TOM1L2: variants seen among roughly 807,000 people sequenced by gnomAD.
TOM1L2 encodes the protein TOM1-like protein 2.
TOM1L2 carries 31 observed loss-of-function variants against 67.9 expected under a neutral mutation model. The ratio of observed to expected loss-of-function variants is 0.46; its 90% CI spans 0.34 to 0.62. The LOEUF is 0.62. Among genes scored for constraint, TOM1L2 ranks in the 20% least tolerant of loss-of-function variants. The pLI is 0.01. For synonymous variants in TOM1L2, 256 were observed against 254.0 expected (o/e 1.01, Z -0.07); for missense variants, 606 against 663.5 (o/e 0.91, Z 0.95).
intron 1 of TOM1L2, among the ~76,000 whole-genome samples, chr17:17,925,917 T>C (rs539322279): frequency 6.7e-6 from 1 of 148,920 alleles, no homozygotes; most frequent in African/African-American, 2.5e-5. Flanking sequence ...ATGCCCATAA[T>C]CCCAGCACTT....
chr17:17,952,355 C>G lies in TOM1L2; in HGVS notation c.52+19907G>C, dbSNP rs897261978. On this transcript the variant is annotated intron_variant, in intron 1 of 14. Coordinates refer to ENST00000379504, the MANE Select transcript of TOM1L2 (RefSeq NM_001082968.2). Reference sequence around the variant, plus strand: ...AGAAATTAAGGGCTCACTCTTTATACAGTAAGTGCTTCTTTATTTTCTTTT... The same window carrying G: ...AGAAATTAAGGGCTCACTCTTTATAGAGTAAGTGCTTCTTTATTTTCTTTT... 5.6e-5 allele frequency among the ~76,000 whole-genome samples: 8 copies of G among 142,324 alleles called. No homozygotes were observed. In the Admixed American group the frequency reaches 5.6e-4, roughly 10 times the overall value. 93.4% of individuals were successfully genotyped at this position (142,324 alleles called of 152,430 possible).
intron 1 of TOM1L2, among the ~76,000 whole-genome samples, chr17:17,918,712 G>C (rs936993364): frequency 6.6e-6 from 1 of 152,094 alleles, no homozygotes; most frequent in African/African-American, 2.4e-5. Flanking sequence ...CCCTCTGATG[G>C]GCTCCAGCAC....
chr17:17,866,846 G>A (rs767044612), intron 9 of TOM1L2, 30 bp downstream of exon 9: 1 of 1,607,762 alleles, frequency 6.2e-7, no homozygotes, highest in South Asian at 1.1e-5. Flanking sequence ...CTGGCCTCAG[G>A]AGATGACAGG....
intron 12 of TOM1L2, chr17:17,851,153 G>A (rs111642596): frequency 3.1e-5 from 18 of 588,480 alleles, no homozygotes; most frequent in African/African-American, 2.0e-4. Flanking sequence ...AAGCAATGAG[G>A]TGCAAATGAT....
At chr17:17,928,833 G>C (rs2040206254) in intron 1 of TOM1L2, among the ~76,000 whole-genome samples, 1 of 152,044 alleles carries the variant, frequency 6.6e-6, no homozygotes. Context: ...ACCCACAGTA[G>C]CCATTCAGGA....
At chr17:17,909,560 AAGT>A (rs2039249910) in intron 1 of TOM1L2, among the ~76,000 whole-genome samples, 1 of 148,158 alleles carries the variant, frequency 6.7e-6, no homozygotes, top group African/African-American at 2.5e-5. Flanking sequence ...TAAAGACAGA[AAGT>A]AGAATGGTGG....
At chr17:17,912,135 C>A (rs75561977) in intron 1 of TOM1L2, among the ~76,000 whole-genome samples, 1 of 151,352 alleles carries the variant, frequency 6.6e-6, no homozygotes, top group Admixed American at 6.6e-5. Flanking sequence ...AAAACCGCCA[C>A]TGTCATCATG....
At chr17:17,923,742 G>A (rs1206853809) in intron 1 of TOM1L2, among the ~76,000 whole-genome samples, 2 of 151,726 alleles carry the variant, frequency 1.3e-5, no homozygotes, top group African/African-American at 4.8e-5. Context: ...CTTTAAAATG[G>A]TAAAAAAGAT....
chr17:17,847,885 A>G, intron 14 of TOM1L2, 102 bp from the exon 15 acceptor site: 2 of 1,520,538 alleles, frequency 1.3e-6, no homozygotes, highest in African/African-American at 1.4e-5. Context: ...TAGGGCAGGC[A>G]TGAAGCCCAC....
chr17:17,885,101 T>C (rs1368213447), intron 4 of TOM1L2, among the ~76,000 whole-genome samples: 1 of 152,238 alleles, frequency 6.6e-6, no homozygotes, highest in African/African-American at 2.4e-5. Context: ...AGGAAATCAA[T>C]TGCTGGGGCT....
chr17:17,849,025 CTCT>C lies in TOM1L2; in HGVS notation c.1339-169_1339-167del, dbSNP rs758514219. The C allele has an allele frequency of 8.0e-5, 46 of 576,258 alleles. No homozygotes were observed. The South Asian group carries it at 8.5e-4, about 11-fold the overall frequency. 35.7% of individuals were successfully genotyped at this position (576,258 alleles called of 1,614,324 possible). On this transcript the variant is annotated intron_variant, in intron 13 of 14. Coordinates refer to ENST00000379504, the MANE Select transcript of TOM1L2 (RefSeq NM_001082968.2). ...AGATTTCTGTAATAGTAAAATACTG[CTCT>C]TCTTATTGGAGAAACAGAAGCTTTG...
At chr17:17,894,975 A>ACATACATGCATG (rs1555598776) in intron 3 of TOM1L2, among the ~76,000 whole-genome samples, 3,833 of 147,572 alleles carry the variant, frequency 0.026, 66 homozygotes, top group Middle Eastern at 0.048. Context: ...ATACATACAT[A>ACATACATGCATG]CATGCATGCA....
chr17:17,882,757 G>T lies in TOM1L2; in HGVS notation c.608C>A (p.Pro203Gln), dbSNP rs745885112. The change falls in exon 6 of 15, where the codon CCG (proline) becomes CAG (glutamine). Residue 203 changes from proline (P) to glutamine (Q), a missense_variant. This residue lies in a region of TOM1L2 where 543 missense variants were observed against 554.0 expected (regional missense o/e 0.98). Transcript: ENST00000379504. ...SSPPPAPYSAPQAPALSVTGP... is the reference protein window; with the variant it reads ...SSPPPAPYSAQQAPALSVTGP... ...AGTCACACTCAGAGCTGGGGCCTGC[G>T]GTGCGGAGTAGGGAGCAGGAGGCGG... 6 of 1,614,084 alleles carry T rather than the reference G, an allele frequency of 3.7e-6. No individual in the cohort carries two copies. Among genetic ancestry groups the T allele is most frequent in the Non-Finnish European group, 5.1e-6 (6 of 1,180,046 alleles).
At chr17:17,937,945 C>T (rs997478117) in intron 1 of TOM1L2, among the ~76,000 whole-genome samples, 1 of 152,152 alleles carries the variant, frequency 6.6e-6, no homozygotes, top group Non-Finnish European at 1.5e-5. Context: ...TAATAGAGAA[C>T]CACACTCCAT....
At position 17,894,156 on chromosome 17, in the gene TOM1L2, T is replaced by C. The variant is rs1418136142; in HGVS notation, c.217-346A>G. 2.0e-5 allele frequency among the ~76,000 whole-genome samples: 3 copies of C among 152,202 alleles called. No homozygotes were observed. The South Asian group carries it at 6.2e-4, about 32-fold the overall frequency. ...AAATTAGCATTTTAACTCCTCTCTC[T>C]GGGCCTCTGGGTATAAGGCATTAGC... On this transcript the variant is annotated intron_variant, in intron 3 of 14. Coordinates refer to ENST00000379504, the MANE Select transcript of TOM1L2 (RefSeq NM_001082968.2).
rs2036097545 is a variant in TOM1L2 at position 17,853,411 on chromosome 17, G to A, written c.1279-2459C>T. On this transcript the variant is annotated intron_variant, in intron 12 of 14. Transcript: ENST00000379504. ...GGCCTTAAACCTTCAGATTTTTCTT[G>A]TAATTGTTTTGTTGCTGCTAAAGAA... 2.0e-5 allele frequency among the ~76,000 whole-genome samples: 3 copies of A among 152,158 alleles called. No individual in the cohort carries two copies. In the South Asian group the frequency reaches 6.2e-4, roughly 32 times the overall value.
Position 17,898,688 on chromosome 17 carries a change from C to T in TOM1L2, c.138-14G>A. ...GCATCCTTTGGCCTGGAAAAAAGAA[C>T]AGACATATAAAGATACTTACAATCC... On this transcript the variant is annotated splice_polypyrimidine_tract_variant and intron_variant, in intron 2 of 14. Coordinates refer to ENST00000379504, the MANE Select transcript of TOM1L2 (RefSeq NM_001082968.2). 6.2e-7 allele frequency: 1 copy of T among 1,614,160 alleles called. No individual in the cohort carries two copies. The highest frequency in any genetic ancestry group is 2.2e-5 in the East Asian group (1 of 44,890).
rs144186572 is a variant in TOM1L2 at position 17,954,886 on chromosome 17, C to T, written c.52+17376G>A. Among the ~76,000 whole-genome samples the T allele has an allele frequency of 3.9e-5, 6 of 152,346 alleles. No homozygotes were observed. In the East Asian group the frequency reaches 1.2e-3, roughly 29 times the overall value. ...AAAAAACTCTCACACAGATACTACG[C>T]TCTAAGGCCAAGAGAGGTCCCAGAA... is the stretch of plus-strand genomic sequence containing the variant. On this transcript the variant is annotated intron_variant, in intron 1 of 14. Coordinates refer to ENST00000379504, the MANE Select transcript of TOM1L2 (RefSeq NM_001082968.2).
chr17:17,955,135 G>C (rs113875432), intron 1 of TOM1L2, among the ~76,000 whole-genome samples: 39 of 152,240 alleles, frequency 2.6e-4, no homozygotes, highest in African/African-American at 9.1e-4. Flanking sequence ...GATTTGCCCA[G>C]CTGACAAGTG....
Sources: allele counts gnomAD v4.1 joint callset (sites outside exome capture counted in the v4.1 genomes callset), GRCh38; gene constraint gnomAD v4.1.1; regional missense constraint gnomAD v4.1.1; transcripts MANE v1.5; gene names NCBI Gene and HGNC (gene_info 2026-07-23, HGNC 2026-07-21).